The following ADGRL3 variants were observed in gnomAD, a reference collection of about 807,000 sequenced individuals.
ADGRL3 encodes the protein calcium-independent alpha-latrotoxin receptor 3.
ADGRL3 carries 62 observed loss-of-function variants against 153.5 expected under a neutral mutation model. The ratio of observed to expected loss-of-function variants is 0.40; its 90% CI spans 0.33 to 0.50. The LOEUF (loss-of-function observed/expected upper bound fraction) is 0.50, where lower values mean the gene tolerates loss of function less well. Among genes scored for constraint, ADGRL3 ranks in the 20% least tolerant of loss-of-function variants. ADGRL3 has a pLI of 0.47. For missense variants in ADGRL3, 1,641 were observed against 1,859.4 expected (o/e 0.88, Z 2.16); for synonymous variants, 710 against 672.5 (o/e 1.06, Z -0.86).
intron 4 of ADGRL3, among the ~76,000 whole-genome samples, chr4:61,562,917 C>T (rs2149000639): frequency 6.9e-6 from 1 of 144,408 alleles, no homozygotes; most frequent in East Asian, 2.0e-4. Context: ...TGCACTCCAG[C>T]CTGGATGACA....
chr4:62,066,156 A>C (rs2151902243), intron 25 of ADGRL3, among the ~76,000 whole-genome samples: 1 of 152,220 alleles, frequency 6.6e-6, no homozygotes, highest in Non-Finnish European at 1.5e-5. Flanking sequence ...GACCAAAAAT[A>C]AATCTTGGTG....
rs573239306 is a variant in ADGRL3 at position 61,373,077 on chromosome 4, C to T, written c.-239-10047C>T. On this transcript the variant is annotated intron_variant, in intron 1 of 26. Transcript: ENST00000683033. ...TTCCCGAGTGAGGCAATGCCTCGCC[C>T]TGCTTCGGCTCGTGCAGGGTGCGCA... is the stretch of plus-strand genomic sequence containing the variant. Among the ~76,000 whole-genome samples the T allele has an allele frequency of 3.1e-3, 473 of 152,302 alleles. 1 individual carries two copies. The highest frequency in any genetic ancestry group is 5.4e-3 in the Non-Finnish European group (366 of 68,036).
chr4:61,520,682 G>GTGTGTGTGTGTGTC lies in ADGRL3; in HGVS notation c.259+3167_259+3168insGTGTGTGTGTCTGT, dbSNP rs763505931. Among the ~76,000 whole-genome samples the GTGTGTGTGTGTGTC allele has an allele frequency of 0.013, 1,551 of 123,508 alleles. 53 individuals are homozygous for GTGTGTGTGTGTGTC. In the East Asian group the frequency reaches 0.15, roughly 12 times the overall value. 81.0% of individuals were successfully genotyped at this position (123,508 alleles called of 152,430 possible). ...TGTGTGTGTGTGTGTGTGTGTGTGT[G>GTGTGTGTGTGTGTC]TGTCTGTCTGTCTGTCTGTCTGAGG... On this transcript the variant is annotated intron_variant, in intron 4 of 26. Transcript: ENST00000683033.
chr4:62,035,717 G>T (rs903408847), intron 23 of ADGRL3, among the ~76,000 whole-genome samples: 3 of 152,054 alleles, frequency 2.0e-5, no homozygotes, highest in Admixed American at 6.6e-5. Flanking sequence ...TACAATGCCT[G>T]TGCTGGTCAG....
intron 2 of ADGRL3, among the ~76,000 whole-genome samples, chr4:61,462,924 C>T (rs1314542708): frequency 6.6e-6 from 1 of 152,140 alleles, no homozygotes; most frequent in East Asian, 1.9e-4. Context: ...AGAACTGTTT[C>T]AACAGCCCAG....
chr4:61,787,767 A>G lies in ADGRL3; in HGVS notation c.1400-26042A>G, dbSNP rs149382262. 2.1e-3 allele frequency among the ~76,000 whole-genome samples: 313 copies of G among 152,272 alleles called. 3 individuals carry two copies. Among genetic ancestry groups the G allele is most frequent in the African/African-American group, 7.2e-3 (300 of 41,576 alleles). ...TAAAATTCACTCATTTTAATACAGC[A>G]TACAAAAAATTATGACAGATTCATA... On this transcript the variant is annotated intron_variant, in intron 8 of 26. Transcript: ENST00000683033.
chr4:61,481,451 G>A (rs573214316), intron 2 of ADGRL3, among the ~76,000 whole-genome samples: 2 of 152,054 alleles, frequency 1.3e-5, no homozygotes, highest in Middle Eastern at 3.4e-3. Context: ...CTTCATGTGG[G>A]CAAAACCACT....
Position 61,610,796 on chromosome 4 carries a change from T to A in ADGRL3, c.473+23356T>A, listed in dbSNP as rs1021010276. On this transcript the variant is annotated intron_variant, in intron 5 of 26. Coordinates refer to ENST00000683033, the MANE Select transcript of ADGRL3 (RefSeq NM_001387552.1). Reference sequence around the variant, plus strand: ...TACATTAATGCATTGGAAAAGGAAATCTTTTTTTTTCTTTTAAACTAGAAT... The same window carrying A: ...TACATTAATGCATTGGAAAAGGAAAACTTTTTTTTTCTTTTAAACTAGAAT... 9.1e-4 allele frequency among the ~76,000 whole-genome samples: 6 copies of A among 6,628 alleles called. No individual in the cohort carries two copies. The Non-Finnish European group carries it at 9.8e-3, about 11-fold the overall frequency. The allele number at this position is 6,628 out of a possible 152,430, so 4.3% of individuals were successfully genotyped here.
intron 1 of ADGRL3, among the ~76,000 whole-genome samples, chr4:61,368,460 T>C (rs1043662971): frequency 7.9e-5 from 12 of 152,306 alleles, no homozygotes; most frequent in Middle Eastern, 3.4e-3. Context: ...TGGCCAGTTT[T>C]CCCAGCACCA....
intron 4 of ADGRL3, among the ~76,000 whole-genome samples, chr4:61,574,498 TTAA>T (rs1385905117): frequency 6.6e-6 from 1 of 151,856 alleles, no homozygotes; most frequent in African/African-American, 2.4e-5. Flanking sequence ...ATTACAAATA[TTAA>T]TGACAGAATC....
At chr4:62,000,568 T>A (rs1402043392) in intron 21 of ADGRL3, among the ~76,000 whole-genome samples, 3 of 152,140 alleles carry the variant, frequency 2.0e-5, no homozygotes, top group Non-Finnish European at 2.9e-5. Flanking sequence ...TCTAAACTGT[T>A]TTCTAGGTTA....
chr4:61,274,825 G>A (rs544036192), intron 1 of ADGRL3, among the ~76,000 whole-genome samples: 32 of 152,172 alleles, frequency 2.1e-4, no homozygotes, highest in Non-Finnish European at 3.4e-4. Context: ...TCATTGCAAC[G>A]TGGGAGACTG....
At position 61,292,624 on chromosome 4, in the gene ADGRL3, G is replaced by C. The variant is rs542207167; in HGVS notation, c.-239-90500G>C. On this transcript the variant is annotated intron_variant, in intron 1 of 26. Coordinates refer to ENST00000683033, the MANE Select transcript of ADGRL3 (RefSeq NM_001387552.1). ...ATGCATCCGATGCATGGTCGTACTAGAGTGAATAACACAAATACCAGAGCA... is the reference window on the plus strand; with the variant it reads ...ATGCATCCGATGCATGGTCGTACTACAGTGAATAACACAAATACCAGAGCA... 5.9e-5 allele frequency among the ~76,000 whole-genome samples: 9 copies of C among 152,298 alleles called. 1 individual carries two copies. The highest frequency in any genetic ancestry group is 3.9e-4 in the Admixed American group (6 of 15,278).
intron 13 of ADGRL3, among the ~76,000 whole-genome samples, chr4:61,915,760 T>C (rs928400182): frequency 1.3e-5 from 2 of 152,190 alleles, no homozygotes; most frequent in Non-Finnish European, 1.5e-5. Flanking sequence ...CTTTAAACTT[T>C]AGTCTATTTG....
intron 1 of ADGRL3, among the ~76,000 whole-genome samples, chr4:61,374,148 T>C (rs2096575027): frequency 6.6e-6 from 1 of 152,120 alleles, no homozygotes; most frequent in African/African-American, 2.4e-5. Context: ...ATTCTTTGGG[T>C]AGAAAAAAAT....
rs200038841 is a variant in ADGRL3, at chr4:61,237,197, C to T, written c.-240+35432C>T. Among the ~76,000 whole-genome samples the T allele has an allele frequency of 2.0e-4, 30 of 152,070 alleles. 1 individual carries two copies. The highest frequency in any genetic ancestry group is 6.8e-3 in the Middle Eastern group (2 of 294). ...GCTAGGAATCTTCACATTTTCCAAC[C>T]GTATATATTCATGGTGGCTGCAGGA... On this transcript the variant is annotated intron_variant, in intron 1 of 26. Transcript: ENST00000683033.
intron 8 of ADGRL3, among the ~76,000 whole-genome samples, chr4:61,750,182 TAAAAAAAAAAAA>T (rs60768535): frequency 1.1e-5 from 1 of 94,614 alleles, no homozygotes; most frequent in East Asian, 3.1e-4. Context: ...AGGGGATGGT[TAAAAAAAAAAAA>T]AAAAAAAAAA....
chr4:61,200,894 T>A lies in ADGRL3; in HGVS notation c.-1111T>A, dbSNP rs905963. On this transcript the variant is annotated 5_prime_UTR_variant, in exon 1 of 27. Coordinates refer to ENST00000683033, the MANE Select transcript of ADGRL3 (RefSeq NM_001387552.1). ...AATCATCCACCCCACGGGCTCGGGG[T>A]TCGCCGGCCCCCGGGACGCAGCCCT... Among the ~76,000 whole-genome samples the A allele has an allele frequency of 9.2e-5, 14 of 152,030 alleles. No individual in the cohort carries two copies. The East Asian group carries it at 1.8e-3, about 20-fold the overall frequency.
intron 2 of ADGRL3, among the ~76,000 whole-genome samples, chr4:61,484,185 C>T (rs903243170): frequency 6.6e-6 from 1 of 151,934 alleles, no homozygotes; most frequent in South Asian, 2.1e-4. Context: ...TAATGCTGCT[C>T]CAGTTCAATT....
Sources: allele counts gnomAD v4.1 joint callset (sites outside exome capture counted in the v4.1 genomes callset), GRCh38; gene constraint gnomAD v4.1.1; transcripts MANE v1.5; gene names NCBI Gene and HGNC (gene_info 2026-07-23, HGNC 2026-07-21).